ATP2B2: variants seen among roughly 807,000 people sequenced by gnomAD.
ATP2B2 encodes plasma membrane calcium-transporting ATPase 2.
Under a neutral mutation model 120.0 loss-of-function variants are expected in ATP2B2, and 15 were observed. That is an observed-to-expected ratio of 0.12 (90% CI 0.08 to 0.19). The LOEUF (loss-of-function observed/expected upper bound fraction) is 0.19, where lower values mean the gene tolerates loss of function less well. Among genes scored for constraint, ATP2B2 ranks in the 10% least tolerant of loss-of-function variants. ATP2B2 has a pLI of 1.00. For synonymous variants in ATP2B2, 694 were observed against 700.3 expected (o/e 0.99, Z 0.14); for missense variants, 1,045 against 1,719.8 (o/e 0.61, Z 6.94).
rs996368095 is a variant in ATP2B2, at chr3:10,340,888, C to T, written c.2918-184G>A. On this transcript the variant is annotated intron_variant, in intron 19 of 22. Coordinates refer to ENST00000360273, the MANE Select transcript of ATP2B2 (RefSeq NM_001001331.4). The surrounding 1 kb of genome is among the most constrained non-coding windows in gnomAD (Gnocchi z 5.0). ...TGGTCAGAGACTAGGACTGAAGGGT[C>T]AGCAAAGCCCTTTCTCCTCTGGGGA... 1.3e-5 allele frequency among the ~76,000 whole-genome samples: 2 copies of T among 152,092 alleles called. No homozygotes were observed. Among genetic ancestry groups the T allele is most frequent in the African/African-American group, 4.8e-5 (2 of 41,404 alleles).
chr3:10,532,613 G>T (rs531141744), intron 3 of ATP2B2, among the ~76,000 whole-genome samples: 1 of 152,202 alleles, frequency 6.6e-6, no homozygotes, highest in South Asian at 2.1e-4. Flanking sequence ...TCTGTATTAT[G>T]GGTCATTTAA....
intron 2 of ATP2B2, among the ~76,000 whole-genome samples, chr3:10,610,933 C>T (rs1218847784): frequency 1.3e-5 from 2 of 152,190 alleles, no homozygotes; most frequent in Admixed American, 6.5e-5. Flanking sequence ...GGTGACCACA[C>T]GAGGTTATAA....
intron 19 of ATP2B2, among the ~76,000 whole-genome samples, chr3:10,341,705 G>A (rs561991260): frequency 6.6e-5 from 10 of 152,250 alleles, no homozygotes; most frequent in African/African-American, 2.2e-4. Context: ...CCCAGGGTAG[G>A]TGCTGCTCAA....
chr3:10,638,511 A>G (rs2070084554), intron 1 of ATP2B2, among the ~76,000 whole-genome samples: 1 of 152,216 alleles, frequency 6.6e-6, no homozygotes, highest in African/African-American at 2.4e-5. Context: ...ATAAAATAAT[A>G]TAAAGATATC....
At chr3:10,500,256 A>C (rs2066330613) in intron 1 of ATP2B2, among the ~76,000 whole-genome samples, 1 of 151,894 alleles carries the variant, frequency 6.6e-6, no homozygotes, top group Admixed American at 6.6e-5. Context: ...GCACATTCTT[A>C]ATGTCTCTGG....
intron 5 of ATP2B2, among the ~76,000 whole-genome samples, chr3:10,400,311 T>C (rs542808518): frequency 5.9e-5 from 9 of 152,214 alleles, no homozygotes; most frequent in Non-Finnish European, 8.8e-5. Flanking sequence ...CTCTCCACTC[T>C]CTCTATTTCA....
At chr3:10,355,981 A>AG (rs2060712231) in intron 14 of ATP2B2, among the ~76,000 whole-genome samples, 1 of 68,246 alleles carries the variant, frequency 1.5e-5, no homozygotes, top group Non-Finnish European at 2.7e-5. Flanking sequence ...AGGCTGAGGC[A>AG]GGGGAATGGC....
intron 2 of ATP2B2, among the ~76,000 whole-genome samples, chr3:10,567,825 G>C (rs1559462616): frequency 6.6e-6 from 1 of 152,112 alleles, no homozygotes; most frequent in South Asian, 2.1e-4. Flanking sequence ...CATCCACTTT[G>C]GCCCTCTCAG....
chr3:10,623,628 T>C (rs778529209), intron 1 of ATP2B2, among the ~76,000 whole-genome samples: 4 of 152,228 alleles, frequency 2.6e-5, no homozygotes, highest in Non-Finnish European at 5.9e-5. Context: ...AAGGCCTGCC[T>C]GCATCCTGAA....
intron 1 of ATP2B2, among the ~76,000 whole-genome samples, chr3:10,474,149 C>T (rs2065118530): frequency 6.6e-6 from 1 of 151,902 alleles, no homozygotes. Flanking sequence ...AACCAGTAGG[C>T]TGATAACCTG....
At chr3:10,614,793 G>A (rs1310324167) in intron 2 of ATP2B2, among the ~76,000 whole-genome samples, 3 of 152,148 alleles carry the variant, frequency 2.0e-5, no homozygotes, top group Non-Finnish European at 2.9e-5. Context: ...CCACAGCACG[G>A]AGTCCCAAGA....
intron 19 of ATP2B2, among the ~76,000 whole-genome samples, chr3:10,341,854 T>C (rs2060288383): frequency 6.6e-6 from 1 of 152,142 alleles, no homozygotes; most frequent in Non-Finnish European, 1.5e-5. Flanking sequence ...AACAGTAAAA[T>C]GTGTCCTGAC....
intron 2 of ATP2B2, among the ~76,000 whole-genome samples, chr3:10,426,742 C>G (rs755270516): frequency 2.0e-5 from 3 of 152,152 alleles, no homozygotes; most frequent in Non-Finnish European, 4.4e-5. Flanking sequence ...AAAGCGGAAG[C>G]CTTCATTTCT....
chr3:10,453,170 A>T (rs2064126123), intron 1 of ATP2B2, among the ~76,000 whole-genome samples: 1 of 152,248 alleles, frequency 6.6e-6, no homozygotes, highest in South Asian at 2.1e-4. Flanking sequence ...TTCTGAGTTC[A>T]AATTCTGGCT....
At chr3:10,575,364 C>T (rs11914694) in intron 2 of ATP2B2, among the ~76,000 whole-genome samples, 14,379 of 152,028 alleles carry the variant, frequency 0.095, 1,022 homozygotes, top group East Asian at 0.29. Context: ...GGGGCTCAGA[C>T]AAAATAATAA....
intron 2 of ATP2B2, among the ~76,000 whole-genome samples, chr3:10,539,453 C>A (rs578055535): frequency 6.6e-6 from 1 of 152,202 alleles, no homozygotes; most frequent in Non-Finnish European, 1.5e-5. Context: ...GGAGACATCA[C>A]GCTACCTGAC....
intron 2 of ATP2B2, among the ~76,000 whole-genome samples, chr3:10,552,368 C>A (rs1034287479): frequency 6.6e-6 from 1 of 152,248 alleles, no homozygotes; most frequent in African/African-American, 2.4e-5. Context: ...TGGCTGGAAG[C>A]CAACCTTAGA....
intron 2 of ATP2B2, among the ~76,000 whole-genome samples, chr3:10,415,541 A>T (rs1205380269): frequency 6.6e-6 from 1 of 152,172 alleles, no homozygotes; most frequent in Non-Finnish European, 1.5e-5. Flanking sequence ...GTATCCAAAG[A>T]CAGGGGTTTT....
At chr3:10,410,247 C>G (rs943529135) in intron 3 of ATP2B2, among the ~76,000 whole-genome samples, 1 of 152,212 alleles carries the variant, frequency 6.6e-6, no homozygotes, top group Non-Finnish European at 1.5e-5. Flanking sequence ...GTACACCCAT[C>G]ACCCAAGCAG....
Sources: allele counts gnomAD v4.1 joint callset (sites outside exome capture counted in the v4.1 genomes callset), GRCh38; gene constraint gnomAD v4.1.1; non-coding constraint Gnocchi (gnomAD v3.1); transcripts MANE v1.5; gene names NCBI Gene and HGNC (gene_info 2026-07-23, HGNC 2026-07-21).